EPB41L4B: variants seen among roughly 807,000 people sequenced by gnomAD.
EPB41L4B encodes erythrocyte membrane protein band 4.1 like 4B, also known as band 4.1-like protein 4B.
A neutral mutation model predicts 112.5 loss-of-function variants in EPB41L4B; 30 were observed. The ratio of observed to expected loss-of-function variants is 0.27; its 90% CI spans 0.20 to 0.36. The LOEUF (loss-of-function observed/expected upper bound fraction) is 0.36, where lower values mean the gene tolerates loss of function less well. EPB41L4B is among the 10% of genes least tolerant of loss of function. EPB41L4B has a pLI of 1.00. For missense variants in EPB41L4B, 1,024 were observed against 1,133.3 expected (o/e 0.90, Z 1.38); for synonymous variants, 408 against 439.7 (o/e 0.93, Z 0.90).
intron 12 of EPB41L4B, among the ~76,000 whole-genome samples, chr9:109,251,727 C>T (rs986509255): frequency 6.6e-6 from 1 of 152,172 alleles, no homozygotes; most frequent in African/African-American, 2.4e-5. Context: ...AGCAGGTTCC[C>T]AGGGCTGGGC....
intron 15 of EPB41L4B, among the ~76,000 whole-genome samples, chr9:109,227,263 C>CT (rs887223118): frequency 2.0e-5 from 3 of 151,942 alleles, no homozygotes; most frequent in East Asian, 1.9e-4. Flanking sequence ...CATTCTTTTT[C>CT]TTTTTTTTCT....
intron 24 of EPB41L4B, 63 bp from the exon 25 acceptor site, chr9:109,176,759 T>C: frequency 6.3e-7 from 1 of 1,585,116 alleles, no homozygotes; most frequent in South Asian, 1.1e-5. Context: ...ACACTGTCAG[T>C]TGCTCCCTAA....
intron 18 of EPB41L4B, among the ~76,000 whole-genome samples, chr9:109,206,692 G>A (rs1833002759): frequency 6.6e-6 from 1 of 152,216 alleles, no homozygotes; most frequent in African/African-American, 2.4e-5. Flanking sequence ...AGGGATACCT[G>A]TTATGAGTTC....
intron 25 of EPB41L4B, among the ~76,000 whole-genome samples, chr9:109,175,788 C>G (rs1831803588): frequency 6.6e-6 from 1 of 152,214 alleles, no homozygotes; most frequent in Non-Finnish European, 1.5e-5. Flanking sequence ...CACAACTTCA[C>G]AGGCCTCCTC....
chr9:109,279,285 G>C lies in EPB41L4B; in HGVS notation c.411+532C>G, dbSNP rs116689946. 3.4e-3 allele frequency among the ~76,000 whole-genome samples: 509 copies of C among 150,914 alleles called. 1 individual carries two copies. Among genetic ancestry groups the C allele is most frequent in the African/African-American group, 0.011 (471 of 41,022 alleles). Reference sequence around the variant, plus strand: ...GGAGGCTGAGGTGGCAGGATCGATTGAGCTCACTGCAGCCTTGACCATCTG... The same window carrying C: ...GGAGGCTGAGGTGGCAGGATCGATTCAGCTCACTGCAGCCTTGACCATCTG... On this transcript the variant is annotated intron_variant, in intron 2 of 25. Transcript: ENST00000374566.
At chr9:109,273,928 C>T (rs1454431150) in intron 2 of EPB41L4B, among the ~76,000 whole-genome samples, 3 of 152,134 alleles carry the variant, frequency 2.0e-5, no homozygotes, top group Admixed American at 2.0e-4. Flanking sequence ...GCAAGAGCAC[C>T]CAGTAGTGTC....
chr9:109,266,694 G>A (rs1326058816), intron 4 of EPB41L4B, among the ~76,000 whole-genome samples: 1 of 152,124 alleles, frequency 6.6e-6, no homozygotes, highest in Non-Finnish European at 1.5e-5. Flanking sequence ...CAGGCCGGGC[G>A]CAGTGGCTCA....
chr9:109,244,731 G>C (rs1026935043), intron 14 of EPB41L4B, among the ~76,000 whole-genome samples: 29 of 152,168 alleles, frequency 1.9e-4, no homozygotes, highest in African/African-American at 7.0e-4. Context: ...GAGGGCAGTG[G>C]TCCTAGACAT....
At chr9:109,247,112 G>A (rs181347835) in intron 14 of EPB41L4B, among the ~76,000 whole-genome samples, 2 of 150,974 alleles carry the variant, frequency 1.3e-5, no homozygotes, top group African/African-American at 2.4e-5. Flanking sequence ...TGATCCTCTC[G>A]CCTTAGCTCC....
chr9:109,174,664 A>G (rs1242606777), intron 25 of EPB41L4B, 41 bp from the exon 26 acceptor site: 2 of 1,574,278 alleles, frequency 1.3e-6, no homozygotes, highest in Non-Finnish European at 1.7e-6. Flanking sequence ...ACAATCCCTC[A>G]AAAATTGCAG....
intron 25 of EPB41L4B, among the ~76,000 whole-genome samples, chr9:109,175,276 A>T (rs564095476): frequency 2.0e-5 from 3 of 152,162 alleles, no homozygotes; most frequent in Admixed American, 2.0e-4. Flanking sequence ...ATCATGCTTT[A>T]AATTGGTTTC....
At chr9:109,305,462 T>C (rs1341834805) in intron 1 of EPB41L4B, among the ~76,000 whole-genome samples, 1 of 151,488 alleles carries the variant, frequency 6.6e-6, no homozygotes, top group Non-Finnish European at 1.5e-5. Context: ...CTACTAAAAA[T>C]ACAAAATTAG....
At chr9:109,174,714 G>T in intron 25 of EPB41L4B, 91 bp from the exon 26 acceptor site, 1 of 1,075,730 alleles carries the variant, frequency 9.3e-7, no homozygotes, top group Non-Finnish European at 1.4e-6. Context: ...GTTCTTTCCT[G>T]ATCTCAGTGT....
intron 15 of EPB41L4B, among the ~76,000 whole-genome samples, chr9:109,232,506 A>G (rs1000163732): frequency 2.0e-5 from 3 of 152,190 alleles, no homozygotes; most frequent in African/African-American, 7.2e-5. Flanking sequence ...AGTGTAAAAT[A>G]ATGTCCACAA....
intron 2 of EPB41L4B, among the ~76,000 whole-genome samples, chr9:109,274,701 A>C (rs1835748327): frequency 6.6e-6 from 1 of 152,150 alleles, no homozygotes; most frequent in South Asian, 2.1e-4. Flanking sequence ...CCGTATAGCC[A>C]AGTGGAAAGT....
At chr9:109,305,963 A>G (rs1365791494) in intron 1 of EPB41L4B, among the ~76,000 whole-genome samples, 1 of 152,174 alleles carries the variant, frequency 6.6e-6, no homozygotes, top group Admixed American at 6.5e-5. Context: ...AATAAGGCAC[A>G]GGTACAGATA....
intron 12 of EPB41L4B, among the ~76,000 whole-genome samples, chr9:109,252,840 T>G (rs1834842388): frequency 6.6e-6 from 1 of 152,098 alleles, no homozygotes; most frequent in Non-Finnish European, 1.5e-5. Context: ...CCTGGCTTGC[T>G]CATTCACTGA....
chr9:109,247,843 G>A (rs1401775062), intron 13 of EPB41L4B, 54 bp from the exon 14 acceptor site: 2 of 1,297,228 alleles, frequency 1.5e-6, no homozygotes, highest in Non-Finnish European at 2.1e-6. Flanking sequence ...AGGTTGTAGA[G>A]TGGCATTATT....
intron 1 of EPB41L4B, among the ~76,000 whole-genome samples, chr9:109,295,809 A>G (rs1836713471): frequency 1.3e-5 from 2 of 152,188 alleles, no homozygotes; most frequent in Non-Finnish European, 2.9e-5. Context: ...TGGCCATAAA[A>G]AAGTGGTTTA....
Sources: allele counts gnomAD v4.1 joint callset (sites outside exome capture counted in the v4.1 genomes callset), GRCh38; gene constraint gnomAD v4.1.1; transcripts MANE v1.5; gene names NCBI Gene and HGNC (gene_info 2026-07-23, HGNC 2026-07-21).